The following PLA2G4A variants were observed in gnomAD, a reference collection of about 807,000 sequenced individuals.
The protein encoded by PLA2G4A is cytosolic phospholipase A2.
A neutral mutation model predicts 81.9 loss-of-function variants in PLA2G4A; 40 were observed. The ratio of observed to expected loss-of-function variants is 0.49; its 90% confidence interval spans 0.38 to 0.64. The LOEUF is 0.64. PLA2G4A is among the 30% of genes least tolerant of loss of function. PLA2G4A has a pLI of 0.00. For missense variants in PLA2G4A, 715 were observed against 905.1 expected (o/e 0.79, Z 2.69); for synonymous variants, 302 against 296.9 (o/e 1.02, Z -0.18).
intron 2 of PLA2G4A, among the ~76,000 whole-genome samples, chr1:186,857,262 AG>A: frequency 9.6e-6 from 1 of 104,658 alleles, no homozygotes; most frequent in Non-Finnish European, 2.0e-5. Flanking sequence ...CATGGCAGTC[AG>A]TAATAAGGCT....
chr1:186,839,273 C>T (rs1328508075), intron 1 of PLA2G4A, among the ~76,000 whole-genome samples: 2 of 152,162 alleles, frequency 1.3e-5, no homozygotes, highest in Non-Finnish European at 2.9e-5. Flanking sequence ...CTGTGCCCTT[C>T]ATCTACTTCT....
chr1:186,966,469 G>A (rs1238622611), intron 15 of PLA2G4A, among the ~76,000 whole-genome samples: 1 of 152,148 alleles, frequency 6.6e-6, no homozygotes, highest in African/African-American at 2.4e-5. Flanking sequence ...ATGGAAAAAG[G>A]AAGTTAAGGA....
intron 1 of PLA2G4A, among the ~76,000 whole-genome samples, chr1:186,837,685 C>T (rs1571321617): frequency 1.5e-5 from 2 of 136,440 alleles, no homozygotes; most frequent in African/African-American, 2.9e-5. Context: ...TGCAGTGAGC[C>T]GAGATCGCGC....
At position 186,867,995 on chromosome 1, in the gene PLA2G4A, T is replaced by TAAATTAATA. The variant is rs551307074; in HGVS notation, c.34-2439_34-2431dup. On this transcript the variant is annotated intron_variant, in intron 2 of 17. Coordinates refer to ENST00000367466, the MANE Select transcript of PLA2G4A (RefSeq NM_024420.3). ...TTGTTTAGCTTGTTGATATATGGAT[T>TAAATTAATA]AAATTAATAGACTGTTGAATGCTGA... Among the ~76,000 whole-genome samples the TAAATTAATA allele has an allele frequency of 8.5e-5, 13 of 152,064 alleles. No individual in the cohort carries two copies. In the East Asian group the frequency reaches 2.5e-3, roughly 29 times the overall value.
At chr1:186,976,731 T>C (rs1657543870) in intron 15 of PLA2G4A, among the ~76,000 whole-genome samples, 1 of 152,226 alleles carries the variant, frequency 6.6e-6, no homozygotes, top group Non-Finnish European at 1.5e-5. Context: ...CATCTCTCCA[T>C]ATTGATTTAT....
At chr1:186,928,802 G>A (rs1253589355) in intron 7 of PLA2G4A, among the ~76,000 whole-genome samples, 3 of 152,134 alleles carry the variant, frequency 2.0e-5, no homozygotes, top group African/African-American at 4.8e-5. Flanking sequence ...CAAAACGCAA[G>A]GTTTTTGGTA....
chr1:186,988,286 TAAA>T, intron 17 of PLA2G4A, 88 bp from the exon 18 acceptor site: 1 of 1,004,628 alleles, frequency 1.0e-6, no homozygotes, highest in Non-Finnish European at 1.5e-6. Context: ...AATACTCTAA[TAAA>T]AAGATTCATT....
At chr1:186,915,478 A>G (rs983100722) in intron 7 of PLA2G4A, among the ~76,000 whole-genome samples, 2 of 152,138 alleles carry the variant, frequency 1.3e-5, no homozygotes, top group Non-Finnish European at 2.9e-5. Context: ...TGATTCTCTC[A>G]GGGGGCCATT....
intron 3 of PLA2G4A, among the ~76,000 whole-genome samples, chr1:186,881,365 C>T (rs554690112): frequency 2.0e-5 from 3 of 152,152 alleles, no homozygotes; most frequent in African/African-American, 7.2e-5. Context: ...CTAGGCAATG[C>T]TCAAGTTGTT....
At chr1:186,983,587 A>G (rs897143137) in intron 17 of PLA2G4A, among the ~76,000 whole-genome samples, 1 of 152,238 alleles carries the variant, frequency 6.6e-6, no homozygotes. Context: ...ACGTCATGAC[A>G]GCGGCCTGGG....
At chr1:186,951,656 T>C (rs1309214575) in intron 13 of PLA2G4A, among the ~76,000 whole-genome samples, 3 of 152,188 alleles carry the variant, frequency 2.0e-5, no homozygotes, top group African/African-American at 7.2e-5. Flanking sequence ...TGCTTAATTA[T>C]TACTAAAATT....
chr1:186,894,874 A>G (rs901578798), intron 5 of PLA2G4A, among the ~76,000 whole-genome samples: 42 of 152,228 alleles, frequency 2.8e-4, no homozygotes, highest in Non-Finnish European at 5.3e-4. Context: ...AAACTAATTT[A>G]GTAGTTTGTA....
At chr1:186,971,700 A>G (rs1354789650) in intron 15 of PLA2G4A, among the ~76,000 whole-genome samples, 1 of 152,052 alleles carries the variant, frequency 6.6e-6, no homozygotes, top group African/African-American at 2.4e-5. Context: ...AGTCTAAAAG[A>G]TTGCCAAAGT....
chr1:186,976,617 G>T (rs72714311), intron 15 of PLA2G4A, among the ~76,000 whole-genome samples: 87 of 152,278 alleles, frequency 5.7e-4, no homozygotes, highest in Admixed American at 9.8e-4. Flanking sequence ...TTGGACTCAG[G>T]CATCTGGTCC....
At chr1:186,871,263 T>A (rs1653257492) in intron 3 of PLA2G4A, among the ~76,000 whole-genome samples, 1 of 152,168 alleles carries the variant, frequency 6.6e-6, no homozygotes, top group South Asian at 2.1e-4. Flanking sequence ...AAAAGGCAAT[T>A]TTCCTTGTAG....
At chr1:186,885,224 A>G (rs1016100595) in intron 3 of PLA2G4A, among the ~76,000 whole-genome samples, 1 of 152,198 alleles carries the variant, frequency 6.6e-6, no homozygotes, top group African/African-American at 2.4e-5. Flanking sequence ...CTGAGAAGCA[A>G]AAATAAAAAC....
chr1:186,884,556 G>A (rs1653860544), intron 3 of PLA2G4A, among the ~76,000 whole-genome samples: 2 of 151,952 alleles, frequency 1.3e-5, no homozygotes, highest in Non-Finnish European at 2.9e-5. Context: ...GAGTAAACTG[G>A]GACTTGAGGG....
chr1:186,945,667 T>G (rs1013432888), intron 10 of PLA2G4A, among the ~76,000 whole-genome samples: 1 of 152,088 alleles, frequency 6.6e-6, no homozygotes, highest in Non-Finnish European at 1.5e-5. Context: ...TCAAGGGTAA[T>G]CCTGAAGTGA....
intron 3 of PLA2G4A, among the ~76,000 whole-genome samples, chr1:186,889,265 A>G (rs1463996559): frequency 6.6e-6 from 1 of 152,236 alleles, no homozygotes; most frequent in Non-Finnish European, 1.5e-5. Context: ...TGTCTAAAAT[A>G]GGATATCAAA....
Sources: gnomAD v4.1 joint callset for allele counts (sites outside exome capture counted in the v4.1 genomes callset) on GRCh38, gnomAD v4.1.1 for gene constraint, MANE v1.5 for transcripts, NCBI Gene and HGNC (gene_info 2026-07-23, HGNC 2026-07-21) for gene names.